The following KATNIP variants were observed in gnomAD, a reference collection of about 807,000 sequenced individuals.
KATNIP encodes katanin-interacting protein.
In KATNIP, 126 loss-of-function variants were observed where a neutral mutation model predicts 174.0. The observed-to-expected ratio is 0.72, with a 90% CI of 0.63 to 0.84. The LOEUF (loss-of-function observed/expected upper bound fraction) is 0.84, where lower values mean the gene tolerates loss of function less well. Ranked by LOEUF, KATNIP falls within the 40% of genes least tolerant of loss-of-function variation. The probability of loss-of-function intolerance (pLI) is 0.00; values close to 1 mark genes in which losing one functional copy is unlikely to be tolerated. For missense variants in KATNIP, 1,958 were observed against 2,109.7 expected (o/e 0.93, Z 1.41); for synonymous variants, 810 against 835.7 (o/e 0.97, Z 0.53).
intron 14 of KATNIP, among the ~76,000 whole-genome samples, chr16:27,725,704 C>T (rs550055364): frequency 6.6e-6 from 1 of 152,108 alleles, no homozygotes; most frequent in Non-Finnish European, 1.5e-5. Flanking sequence ...TCCAGCAGCT[C>T]CCCATGGTCC....
chr16:27,657,735 C>A (rs1317907047), intron 6 of KATNIP, among the ~76,000 whole-genome samples: 2 of 152,162 alleles, frequency 1.3e-5, no homozygotes, highest in East Asian at 3.8e-4. Context: ...CACGGTGAAA[C>A]CCCGTCTCTA....
intron 14 of KATNIP, among the ~76,000 whole-genome samples, chr16:27,723,789 T>TCCTCCCTC (rs1409617760): frequency 2.9e-4 from 44 of 151,830 alleles, no homozygotes; most frequent in African/African-American, 9.9e-4. Flanking sequence ...AGAGAGGCAG[T>TCCTCCCTC]CCTCCCTTCC....
intron 2 of KATNIP, among the ~76,000 whole-genome samples, chr16:27,603,068 G>T (rs2075584001): frequency 6.6e-6 from 1 of 152,218 alleles, no homozygotes; most frequent in Non-Finnish European, 1.5e-5. Flanking sequence ...TGATTGGTTG[G>T]AAGGTGCAAT....
At chr16:27,593,864 A>G (rs971061899) in intron 2 of KATNIP, among the ~76,000 whole-genome samples, 1 of 152,216 alleles carries the variant, frequency 6.6e-6, no homozygotes, top group Non-Finnish European at 1.5e-5. Context: ...TACTTAGGTC[A>G]GGCACCTTCT....
At chr16:27,566,785 A>T (rs887873705) in intron 1 of KATNIP, among the ~76,000 whole-genome samples, 16 of 152,160 alleles carry the variant, frequency 1.1e-4, no homozygotes, top group Non-Finnish European at 1.6e-4. Flanking sequence ...AAATCCCAAG[A>T]GCTATCACCC....
chr16:27,707,243 G>A (rs539861897), intron 12 of KATNIP, among the ~76,000 whole-genome samples: 1 of 152,310 alleles, frequency 6.6e-6, no homozygotes, highest in African/African-American at 2.4e-5. Flanking sequence ...TTAACAGAGG[G>A]CATGTGCACA....
chr16:27,641,875 A>T (rs1241776544), intron 5 of KATNIP, among the ~76,000 whole-genome samples: 1 of 152,158 alleles, frequency 6.6e-6, no homozygotes, highest in Non-Finnish European at 1.5e-5. Context: ...CTAGAAACCC[A>T]TGGGGAGGCC....
intron 14 of KATNIP, among the ~76,000 whole-genome samples, chr16:27,726,078 C>A (rs933518625): frequency 6.6e-6 from 1 of 152,150 alleles, no homozygotes; most frequent in Non-Finnish European, 1.5e-5. Context: ...CCAGCATGAC[C>A]GCCTGAGCTC....
At chr16:27,737,300 T>C (rs2080932084) in intron 14 of KATNIP, among the ~76,000 whole-genome samples, 1 of 152,122 alleles carries the variant, frequency 6.6e-6, no homozygotes, top group African/African-American at 2.4e-5. Flanking sequence ...GGAGGGTCAC[T>C]TGAGCCCAGA....
intron 14 of KATNIP, among the ~76,000 whole-genome samples, chr16:27,728,138 T>C (rs1055434459): frequency 4.6e-5 from 7 of 152,248 alleles, no homozygotes; most frequent in Non-Finnish European, 7.3e-5. Context: ...GTCTGGGCGC[T>C]GTGGGGGCCC....
At chr16:27,620,259 A>T (rs951749251) in intron 3 of KATNIP, among the ~76,000 whole-genome samples, 1 of 152,232 alleles carries the variant, frequency 6.6e-6, no homozygotes, top group African/African-American at 2.4e-5. Flanking sequence ...AGAGCTGGAA[A>T]GAAACACCTT....
At chr16:27,626,964 CAAAA>C (rs1195795602) in intron 3 of KATNIP, among the ~76,000 whole-genome samples, 1 of 92,634 alleles carries the variant, frequency 1.1e-5, no homozygotes, top group Non-Finnish European at 2.4e-5. Flanking sequence ...GACTCCGTCT[CAAAA>C]AAAAAAAAAA....
Position 27,740,590 on chromosome 16 carries a change from A to G in KATNIP, c.2293A>G (p.Lys765Glu), listed in dbSNP as rs2081067712. The G allele has an allele frequency of 6.2e-7, 1 of 1,614,206 alleles. No individual in the cohort carries two copies. The highest frequency in any genetic ancestry group is 2.2e-5 in the East Asian group (1 of 44,874). The change falls in exon 15 of 28, where the codon AAG becomes GAG. Residue 765 changes from lysine (K) to glutamate (E), a missense_variant. Physicochemically the swap from Lys to Glu is moderately conservative, Grantham distance 56. Around this residue, in one of 3 missense-constraint regions of KATNIP, gnomAD observed 1,557 missense variants for 1,617.8 expected, o/e 0.96. Transcript: ENST00000261588. ...ACCTTCTCCCACCGGCAAGGACAGG[A>G]AGCAGGGAGGCAGGAAGCCAAAACC... ...LQPSPTGKDRKQGGRKPKPLW... is the reference protein window; with the variant it reads ...LQPSPTGKDREQGGRKPKPLW...
chr16:27,651,865 G>A (rs1015587173), intron 6 of KATNIP, among the ~76,000 whole-genome samples: 3 of 152,120 alleles, frequency 2.0e-5, no homozygotes, highest in East Asian at 1.9e-4. Context: ...GATTACAGGC[G>A]CCAACCAGTA....
chr16:27,577,275 C>T (rs2090534294), intron 2 of KATNIP, among the ~76,000 whole-genome samples: 10 of 152,218 alleles, frequency 6.6e-5, no homozygotes, highest in Admixed American at 6.5e-4. Context: ...AGTGTGGTGG[C>T]TCACGCCTGT....
chr16:27,699,726 C>T (rs2079033909), intron 10 of KATNIP, 127 bp downstream of exon 10: 1 of 1,243,994 alleles, frequency 8.0e-7, no homozygotes, highest in South Asian at 1.4e-5. Context: ...AGGGCGCTTT[C>T]CTTCACACTG....
intron 2 of KATNIP, among the ~76,000 whole-genome samples, chr16:27,616,534 C>T (rs1347979943): frequency 6.6e-6 from 1 of 151,640 alleles, no homozygotes; most frequent in Non-Finnish European, 1.5e-5. Flanking sequence ...AGAGACCAGC[C>T]TGGCCAACAT....
At chr16:27,574,184 C>T (rs866669166) in intron 2 of KATNIP, 7 of 530,846 alleles carry the variant, frequency 1.3e-5, no homozygotes, top group South Asian at 4.5e-5. Context: ...TATCAGTTAA[C>T]TTTGTCTGTG....
Position 27,631,175 on chromosome 16 carries a change from T to C in KATNIP, c.408+13T>C, listed in dbSNP as rs1405914477. On this transcript the variant is annotated intron_variant, in intron 5 of 27. Transcript: ENST00000261588. ...AGGATGGCACCAGGTCTGGAGACTGTGGCCCCAGCCCACGCTTTAGAATAC... is the reference window on the plus strand; with the variant it reads ...AGGATGGCACCAGGTCTGGAGACTGCGGCCCCAGCCCACGCTTTAGAATAC... The C allele has an allele frequency of 6.5e-7, 1 of 1,548,984 alleles. No homozygotes were observed. The highest frequency in any genetic ancestry group is 1.4e-5 in the African/African-American group (1 of 73,342).
Sources: allele counts gnomAD v4.1 joint callset (sites outside exome capture counted in the v4.1 genomes callset), GRCh38; gene constraint gnomAD v4.1.1; regional missense constraint gnomAD v4.1.1; transcripts MANE v1.5; gene names NCBI Gene and HGNC (gene_info 2026-07-23, HGNC 2026-07-21).